The following GSKIP variants were observed in gnomAD, a reference collection of about 807,000 sequenced individuals.
GSKIP encodes the protein GSK3B-interacting protein.
In GSKIP, 5 loss-of-function variants were observed where a neutral mutation model predicts 11.9. The ratio of observed to expected loss-of-function variants is 0.42; its 90% CI spans 0.22 to 0.89. GSKIP has a LOEUF of 0.89. Among genes scored for constraint, GSKIP ranks in the 40% least tolerant of loss-of-function variants. The pLI is 0.29. For synonymous variants in GSKIP, 70 were observed against 62.9 expected (o/e 1.11, Z -0.54); for missense variants, 150 against 166.6 (o/e 0.90, Z 0.55).
chr14:96,381,645 C>CT (rs1279190896), intron 2 of GSKIP, among the ~76,000 whole-genome samples: 1 of 152,172 alleles, frequency 6.6e-6, no homozygotes, highest in Non-Finnish European at 1.5e-5. Context: ...TAAAACTATC[C>CT]TTTAAACATC....
intron 3 of GSKIP, among the ~76,000 whole-genome samples, chr14:96,383,571 T>C (rs1889407221): frequency 6.6e-6 from 1 of 152,214 alleles, no homozygotes; most frequent in Non-Finnish European, 1.5e-5. Context: ...CATAAGGTGG[T>C]GAGCAAGGCC....
chr14:96,369,901 G>T (rs941646547), intron 1 of GSKIP, among the ~76,000 whole-genome samples: 1 of 152,100 alleles, frequency 6.6e-6, no homozygotes, highest in Admixed American at 6.5e-5. Flanking sequence ...CTGGCAGTGT[G>T]CACCCTCATC....
At chr14:96,372,685 C>T (rs868697545) in intron 1 of GSKIP, among the ~76,000 whole-genome samples, 1 of 152,150 alleles carries the variant, frequency 6.6e-6, no homozygotes, top group Middle Eastern at 3.2e-3. Flanking sequence ...GCCTGTTGCC[C>T]TATTGTATTG....
intron 1 of GSKIP, among the ~76,000 whole-genome samples, chr14:96,375,115 A>T (rs1889161967): frequency 6.6e-6 from 1 of 152,220 alleles, no homozygotes; most frequent in Non-Finnish European, 1.5e-5. Context: ...ACATTGTGAT[A>T]AAGATGTATA....
At chr14:96,370,088 C>G (rs1203281053) in intron 1 of GSKIP, among the ~76,000 whole-genome samples, 2 of 152,182 alleles carry the variant, frequency 1.3e-5, no homozygotes, top group South Asian at 2.1e-4. Context: ...TAATGTCTGC[C>G]CTGATGGGCT....
intron 3 of GSKIP, chr14:96,384,610 A>G (rs1288774486): frequency 3.3e-5 from 5 of 152,140 alleles, no homozygotes; most frequent in Admixed American, 3.3e-4. Flanking sequence ...GGAAAAAAAA[A>G]AAAAGAAAAA....
chr14:96,383,305 G>A (rs971379748), intron 3 of GSKIP, among the ~76,000 whole-genome samples: 1 of 151,892 alleles, frequency 6.6e-6, no homozygotes, highest in African/African-American at 2.4e-5. Context: ...CCAGCTACCT[G>A]GGAGGCTTAG....
chr14:96,380,919 G>T (rs1390581567), intron 2 of GSKIP, among the ~76,000 whole-genome samples: 1 of 152,186 alleles, frequency 6.6e-6, no homozygotes, highest in South Asian at 2.1e-4. Flanking sequence ...CTCCAGTGTG[G>T]TGAGGGGGTG....
intron 3 of GSKIP, among the ~76,000 whole-genome samples, chr14:96,384,394 T>TA (rs767802272): frequency 0.026 from 3,700 of 143,334 alleles, 52 homozygotes; most frequent in Middle Eastern, 0.043. Context: ...GCTTTTCATT[T>TA]AAAAAAAAAA....
chr14:96,377,609 G>A (rs1889236837), intron 1 of GSKIP, among the ~76,000 whole-genome samples: 1 of 152,182 alleles, frequency 6.6e-6, no homozygotes, highest in African/African-American at 2.4e-5. Flanking sequence ...TAAGGTGTCT[G>A]CTCAAAATAT....
intron 3 of GSKIP, among the ~76,000 whole-genome samples, chr14:96,383,032 G>A (rs1889392161): frequency 6.6e-6 from 1 of 152,102 alleles, no homozygotes. Context: ...TTTCTAGGCG[G>A]ATTAACCTTT....
At chr14:96,373,181 G>C (rs1433330491) in intron 1 of GSKIP, among the ~76,000 whole-genome samples, 1 of 128,374 alleles carries the variant, frequency 7.8e-6, no homozygotes, top group Non-Finnish European at 1.6e-5. Flanking sequence ...AGTGAACTGA[G>C]ATAGCACCAC....
intron 1 of GSKIP, among the ~76,000 whole-genome samples, chr14:96,369,792 C>T (rs1888993953): frequency 6.6e-6 from 1 of 152,028 alleles, no homozygotes; most frequent in East Asian, 1.9e-4. Context: ...AGGACATTGC[C>T]AAGCAGAAAT....
intron 3 of GSKIP, among the ~76,000 whole-genome samples, chr14:96,382,772 C>T (rs1285183696): frequency 6.6e-6 from 1 of 152,176 alleles, no homozygotes. Context: ...TAATTTATTT[C>T]TCATCTATAG....
At chr14:96,375,181 C>G (rs542146256) in intron 1 of GSKIP, among the ~76,000 whole-genome samples, 1 of 151,550 alleles carries the variant, frequency 6.6e-6, no homozygotes, top group South Asian at 2.1e-4. Flanking sequence ...TTAATAAGAA[C>G]CAAAAGATAT....
At chr14:96,375,723 C>T (rs1329607385) in intron 1 of GSKIP, among the ~76,000 whole-genome samples, 1 of 152,192 alleles carries the variant, frequency 6.6e-6, no homozygotes, top group Non-Finnish European at 1.5e-5. Context: ...TGAGCCACCA[C>T]GCCCGGCTTG....
rs551888534 is a variant in GSKIP at position 96,386,576 on chromosome 14, T to A, written c.*892T>A. 80 of 152,794 alleles carry A rather than the reference T, an allele frequency of 5.2e-4. 2 individuals are homozygous for A. The highest frequency in any genetic ancestry group is 1.9e-3 in the African/African-American group (78 of 41,578). The allele number at this position is 152,794 out of a possible 1,614,324, so 9.5% of individuals were successfully genotyped here. A position where few individuals can be genotyped will look rare whatever the true frequency, so the allele number is the denominator to read the frequency against. ...AAAGTATTTTTGCTTCAACGTTTAC[T>A]TTCTATGATGTAGTGCTTTGGTATT... On this transcript the variant is annotated 3_prime_UTR_variant, in exon 4 of 4. Transcript: ENST00000555181.
chr14:96,379,310 G>A (rs1188188082), intron 1 of GSKIP, among the ~76,000 whole-genome samples: 2 of 152,234 alleles, frequency 1.3e-5, no homozygotes, highest in East Asian at 1.9e-4. Context: ...TCTCAAAAAA[G>A]TAAAGTGACC....
At chr14:96,375,515 C>T (rs1889175057) in intron 1 of GSKIP, among the ~76,000 whole-genome samples, 1 of 151,528 alleles carries the variant, frequency 6.6e-6, no homozygotes, top group Admixed American at 6.6e-5. Context: ...CTCACTGCAA[C>T]CTCCGCCTCC....
Sources: allele counts gnomAD v4.1 joint callset (sites outside exome capture counted in the v4.1 genomes callset), GRCh38; gene constraint gnomAD v4.1.1; transcripts MANE v1.5; gene names NCBI Gene and HGNC (gene_info 2026-07-23, HGNC 2026-07-21).